The following ARHGAP22 variants were observed in gnomAD, a reference collection of about 807,000 sequenced individuals.
ARHGAP22 encodes the protein rho GTPase-activating protein 22.
In ARHGAP22, 48 loss-of-function variants were observed where a neutral mutation model predicts 59.1. The ratio of observed to expected loss-of-function variants is 0.81; its 90% CI spans 0.64 to 1.03. ARHGAP22 has a LOEUF of 1.03. Ranked by LOEUF, ARHGAP22 falls within the 50% of genes least tolerant of loss-of-function variation. The probability of loss-of-function intolerance (pLI) is 0.00; values close to 1 mark genes in which losing one functional copy is unlikely to be tolerated. For synonymous variants in ARHGAP22, 445 were observed against 416.4 expected (o/e 1.07, Z -0.84); for missense variants, 1,015 against 958.7 (o/e 1.06, Z -0.78).
Position 48,524,136 on chromosome 10 carries a change from C to T in ARHGAP22, c.322+31327G>A, listed in dbSNP as rs1206435774. 15 of 1,271,298 alleles carry T rather than the reference C, an allele frequency of 1.2e-5. No individual in the cohort carries two copies. The African/African-American group carries it at 1.4e-4, about 12-fold the overall frequency. 78.8% of individuals were successfully genotyped at this position (1,271,298 alleles called of 1,614,324 possible). On this transcript the variant is annotated intron_variant, in intron 3 of 9. Transcript: ENST00000249601. ...CGCCCGCGGCCCCGCCGCTCGGCTC[C>T]TCTCCCCGCCTGCCGCCTGCGCCCC...
intron 4 of ARHGAP22, among the ~76,000 whole-genome samples, chr10:48,466,281 A>G (rs1423492814): frequency 7.4e-5 from 11 of 147,722 alleles, no homozygotes; most frequent in Admixed American, 7.4e-4. Flanking sequence ...CCCCCCCCAG[A>G]CTCTAAGTCC....
intron 3 of ARHGAP22, among the ~76,000 whole-genome samples, chr10:48,552,364 C>G (rs947873965): frequency 5.3e-5 from 8 of 152,284 alleles, no homozygotes; most frequent in African/African-American, 1.4e-4. Context: ...CCAGGCGGGG[C>G]TGTTAGGCTC....
At chr10:48,641,151 T>C (rs11819069) in intron 1 of ARHGAP22, among the ~76,000 whole-genome samples, 7,568 of 151,998 alleles carry the variant, frequency 0.05, 552 homozygotes, top group African/African-American at 0.17. Context: ...AAAATATCTA[T>C]CTAACACAAA....
At chr10:48,570,935 C>T (rs1430002704) in intron 2 of ARHGAP22, among the ~76,000 whole-genome samples, 2 of 152,240 alleles carry the variant, frequency 1.3e-5, no homozygotes, top group East Asian at 1.9e-4. Flanking sequence ...AACTGCCCTG[C>T]TCTGGCCAGA....
intron 1 of ARHGAP22, among the ~76,000 whole-genome samples, chr10:48,603,598 G>T (rs143798249): frequency 6.6e-6 from 1 of 152,210 alleles, no homozygotes; most frequent in East Asian, 1.9e-4. Context: ...TGGGAGGGTG[G>T]AACTAAGCTC....
At chr10:48,467,349 G>A (rs902866178) in intron 4 of ARHGAP22, among the ~76,000 whole-genome samples, 1 of 152,160 alleles carries the variant, frequency 6.6e-6, no homozygotes, top group African/African-American at 2.4e-5. Flanking sequence ...AAAGGGTGAG[G>A]GCTGGAATGG....
chr10:48,493,514 G>C, intron 3 of ARHGAP22: 1 of 1,535,218 alleles, frequency 6.5e-7, no homozygotes, highest in East Asian at 2.4e-5. Flanking sequence ...GGGGGCTGCA[G>C]TGAGAGGAGC....
At chr10:48,498,913 T>C (rs2051223251) in intron 3 of ARHGAP22, among the ~76,000 whole-genome samples, 1 of 143,430 alleles carries the variant, frequency 7.0e-6, no homozygotes, top group Non-Finnish European at 1.6e-5. Context: ...AGACTAGAGA[T>C]GCAGCCACCG....
chr10:48,514,330 G>T (rs1054446299), intron 3 of ARHGAP22, among the ~76,000 whole-genome samples: 1 of 151,972 alleles, frequency 6.6e-6, no homozygotes, highest in East Asian at 1.9e-4. Context: ...CTGTCCAAAG[G>T]CAAAGAATCT....
chr10:48,436,318 T>C, the ARHGAP22 span: 1 of 152,216 alleles, frequency 6.6e-6, no homozygotes, highest in East Asian at 1.9e-4. Context: ...CGAGTAGTGT[T>C]AAGAATGGTG....
chr10:48,625,693 T>TACACAAACACAC (rs71465465), intron 1 of ARHGAP22, among the ~76,000 whole-genome samples: 42 of 138,880 alleles, frequency 3.0e-4, no homozygotes, highest in Non-Finnish European at 5.0e-4. Context: ...CTGCAACGTG[T>TACACAAACACAC]ACACACACAC....
Position 48,451,057 on chromosome 10 carries a change from T to C in ARHGAP22, c.1072A>G (p.Thr358Ala). 1 of 1,552,248 alleles carries C rather than the reference T, an allele frequency of 6.4e-7. No individual in the cohort carries two copies. Among genetic ancestry groups the C allele is most frequent in the Non-Finnish European group, 8.7e-7 (1 of 1,147,894 alleles). The stretch of plus-strand genomic sequence containing the variant: ...CATTGCAGGCCCCCGCGCGGGGAGG[T>C]GGGCCCTTCCGGGACCGGTGCCGTG... ...LFTAPVPEGPTSPRGGLQCAV... is the reference protein window; with the variant it reads ...LFTAPVPEGPASPRGGLQCAV... Residue 358 changes from threonine (T) to alanine (A), a missense_variant, in exon 9 of 10, where the codon ACC (threonine) becomes GCC (alanine). Thr to Ala is a moderately conservative substitution (Grantham distance 58). Coordinates refer to ENST00000249601, the MANE Select transcript of ARHGAP22 (RefSeq NM_021226.4).
At chr10:48,431,347 G>A in the ARHGAP22 span, 4 of 887,286 alleles carry the variant, frequency 4.5e-6, no homozygotes, top group Non-Finnish European at 7.2e-6. Flanking sequence ...GAAACCTGCA[G>A]TTCTTCCCAT....
chr10:48,468,568 G>A (rs1379553332), intron 4 of ARHGAP22, among the ~76,000 whole-genome samples: 1 of 152,214 alleles, frequency 6.6e-6, no homozygotes, highest in Admixed American at 6.5e-5. Context: ...GACTGGTTAT[G>A]ACTTCTGACC....
intron 8 of ARHGAP22, 31 bp from the exon 9 acceptor site, chr10:48,451,171 G>A: frequency 1.3e-6 from 2 of 1,550,466 alleles, no homozygotes; most frequent in Non-Finnish European, 1.7e-6. Context: ...GAAGGGCCTT[G>A]CTGCCAGCCA....
chr10:48,532,229 C>T (rs2054916220), intron 3 of ARHGAP22, among the ~76,000 whole-genome samples: 3 of 152,114 alleles, frequency 2.0e-5, no homozygotes, highest in Non-Finnish European at 4.4e-5. Flanking sequence ...GCCTGTCCTC[C>T]AATCTGGGCA....
At chr10:48,524,041 C>G in intron 3 of ARHGAP22, 1 of 1,475,012 alleles carries the variant, frequency 6.8e-7, no homozygotes, top group Non-Finnish European at 9.0e-7. Flanking sequence ...CGCACGTGCG[C>G]GCCGGAGTTA....
intron 3 of ARHGAP22, chr10:48,524,229 G>A: frequency 2.0e-6 from 1 of 489,072 alleles, no homozygotes; most frequent in Non-Finnish European, 2.7e-6. Flanking sequence ...CGGGACCGCC[G>A]GCCCGCGGCT....
chr10:48,557,440 C>T (rs1157762074), intron 2 of ARHGAP22, among the ~76,000 whole-genome samples: 1 of 152,176 alleles, frequency 6.6e-6, no homozygotes, highest in South Asian at 2.1e-4. Context: ...ATATTCCTGG[C>T]TCTTTGCCTA....
Sources: gnomAD v4.1 joint callset for allele counts (sites outside exome capture counted in the v4.1 genomes callset) on GRCh38, gnomAD v4.1.1 for gene constraint, MANE v1.5 for transcripts, NCBI Gene and HGNC (gene_info 2026-07-23, HGNC 2026-07-21) for gene names.